AKAP10: variants seen among roughly 807,000 people sequenced by gnomAD.
The protein encoded by AKAP10 is A-kinase anchor protein 10, mitochondrial.
A neutral mutation model predicts 80.8 loss-of-function variants in AKAP10; 24 were observed. The observed-to-expected ratio is 0.30, with a 90% confidence interval of 0.22 to 0.42. The LOEUF is 0.42. Ranked by LOEUF, AKAP10 falls within the 10% of genes least tolerant of loss-of-function variation. AKAP10 has a pLI of 1.00. For synonymous variants in AKAP10, 291 were observed against 277.7 expected (o/e 1.05, Z -0.48); for missense variants, 661 against 794.9 (o/e 0.83, Z 2.03).
intron 12 of AKAP10, among the ~76,000 whole-genome samples, chr17:19,912,551 C>T (rs1472287784): frequency 6.6e-6 from 1 of 151,722 alleles, no homozygotes. Flanking sequence ...AAAAACAAAA[C>T]GAAACAAAAA....
At chr17:19,947,360 GCATTTTTTGT>G (rs2043146036) in intron 5 of AKAP10, 37 bp downstream of exon 5, 3 of 1,414,762 alleles carry the variant, frequency 2.1e-6, no homozygotes, top group Admixed American at 1.9e-5. Context: ...TCAGTTCTGT[GCATTTTTTGT>G]CATTTTTTTT....
intron 12 of AKAP10, among the ~76,000 whole-genome samples, chr17:19,913,112 G>T (rs1235693957): frequency 6.6e-6 from 1 of 150,688 alleles, no homozygotes; most frequent in South Asian, 2.1e-4. Context: ...CTAGTAGCTG[G>T]GATTACAGGT....
chr17:19,944,373 T>C (rs1035611394), intron 5 of AKAP10, among the ~76,000 whole-genome samples: 1 of 152,168 alleles, frequency 6.6e-6, no homozygotes, highest in African/African-American at 2.4e-5. Context: ...TAACACACTT[T>C]ATATGCTTAT....
At chr17:19,926,639 G>A (rs1003741340) in intron 10 of AKAP10, among the ~76,000 whole-genome samples, 1 of 152,084 alleles carries the variant, frequency 6.6e-6, no homozygotes, top group African/African-American at 2.4e-5. Context: ...CAAACAATCT[G>A]AAAATGAAAT....
chr17:19,963,584 G>T (rs1320404840), intron 2 of AKAP10, among the ~76,000 whole-genome samples: 1 of 151,944 alleles, frequency 6.6e-6, no homozygotes. Flanking sequence ...AATGCTTGGG[G>T]TGGGGGGAAC....
rs534145009 is a variant in AKAP10 at position 19,906,172 on chromosome 17, G to A, written c.*55C>T. The A allele has an allele frequency of 1.4e-4, 221 of 1,570,186 alleles. 3 individuals carry two copies. The South Asian group carries it at 2.3e-3, about 16-fold the overall frequency. ...GGCTGTGTTGAAGAATCCAACCAAG[G>A]GAAAAAAGTTCTCTTATTTTTCACA... On this transcript the variant is annotated 3_prime_UTR_variant, in exon 15 of 15. Coordinates refer to ENST00000225737, the MANE Select transcript of AKAP10 (RefSeq NM_007202.4).
intron 4 of AKAP10, among the ~76,000 whole-genome samples, chr17:19,957,215 A>G (rs570096733): frequency 2.0e-5 from 3 of 152,166 alleles, no homozygotes; most frequent in African/African-American, 7.2e-5. Context: ...GAAGTTACCT[A>G]ACCTTTCTAA....
At chr17:19,938,738 T>G (rs1196653901) in intron 8 of AKAP10, among the ~76,000 whole-genome samples, 1 of 151,908 alleles carries the variant, frequency 6.6e-6, no homozygotes. Flanking sequence ...TTGTTGTTTT[T>G]TTTTTTTTTG....
At chr17:19,952,927 A>C (rs564345236) in intron 4 of AKAP10, among the ~76,000 whole-genome samples, 1 of 152,338 alleles carries the variant, frequency 6.6e-6, no homozygotes, top group East Asian at 1.9e-4. Flanking sequence ...TAACCAACTA[A>C]ATCAACTTGA....
rs28756895 is a variant in AKAP10 at position 19,946,237 on chromosome 17, T to C, written c.976+1170A>G. On this transcript the variant is annotated intron_variant, in intron 5 of 14. Coordinates refer to ENST00000225737, the MANE Select transcript of AKAP10 (RefSeq NM_007202.4). ...TATATATATTTTATATATATATATA[T>C]TATATATATATATATATATATATAT... Among the ~76,000 whole-genome samples, 11 of 15,180 alleles carry C rather than the reference T, an allele frequency of 7.2e-4. 1 individual carries two copies. Among genetic ancestry groups the C allele is most frequent in the African/African-American group, 3.5e-3 (11 of 3,154 alleles). 10.0% of individuals were successfully genotyped at this position (15,180 alleles called of 152,430 possible).
chr17:19,945,344 T>C (rs890130621), intron 5 of AKAP10, among the ~76,000 whole-genome samples: 4 of 152,032 alleles, frequency 2.6e-5, no homozygotes, highest in Non-Finnish European at 5.9e-5. Context: ...CAAAAAAAAA[T>C]CACTAGCCAA....
At chr17:19,940,003 T>C (rs781408384) in intron 7 of AKAP10, among the ~76,000 whole-genome samples, 154 bp from the exon 8 acceptor site, 2 of 152,204 alleles carry the variant, frequency 1.3e-5, no homozygotes, top group Non-Finnish European at 2.9e-5. Flanking sequence ...GTTACAGTCA[T>C]TTGAGATTGA....
intron 6 of AKAP10, 133 bp downstream of exon 6, chr17:19,941,693 T>A (rs900467879): frequency 7.8e-6 from 4 of 513,018 alleles, no homozygotes; most frequent in Non-Finnish European, 6.2e-6. Flanking sequence ...TAGAGTATGC[T>A]TTATATGATC....
rs1176991982 is a variant in AKAP10, at chr17:19,936,298, T to G, written c.1455A>C (p.Thr485=). The change falls in exon 9 of 15, where the codon ACA becomes ACC. Residue 485 remains threonine, a synonymous_variant. Transcript: ENST00000225737. The stretch of plus-strand genomic sequence containing the variant: ...AGTTCTGGGTTACCTTCTCCATGGT[T>G]GTCCAGGCCTGACGTAATGGAGTTG... ...CFTTPLRQAW[T]TMEKVFLPGF... 3.7e-6 allele frequency: 6 copies of G among 1,611,822 alleles called. No homozygotes were observed. The highest frequency in any genetic ancestry group is 5.1e-6 in the Non-Finnish European group (6 of 1,178,914).
At chr17:19,938,367 G>A (rs1239069444) in intron 8 of AKAP10, among the ~76,000 whole-genome samples, 2 of 151,744 alleles carry the variant, frequency 1.3e-5, no homozygotes, top group East Asian at 1.9e-4. Flanking sequence ...CTCCTGAGTA[G>A]CTGGGATTAC....
chr17:19,968,582 G>T, intron 1 of AKAP10, 121 bp from the exon 2 acceptor site: 2 of 791,820 alleles, frequency 2.5e-6, no homozygotes, highest in South Asian at 1.8e-5. Flanking sequence ...ACAATGGACA[G>T]CCTTGGAGGA....
chr17:19,946,205 TTATATA>T lies in AKAP10; in HGVS notation c.976+1196_976+1201del, dbSNP rs1555576558. Among the ~76,000 whole-genome samples, 29 of 46,056 alleles carry T rather than the reference TTATATA, an allele frequency of 6.3e-4. 3 individuals carry two copies. The highest frequency in any genetic ancestry group is 2.1e-3 in the African/African-American group (25 of 11,848). The allele number at this position is 46,056 out of a possible 152,430, so 30.2% of individuals were successfully genotyped here. A position where few individuals can be genotyped will look rare whatever the true frequency, so the allele number is the denominator to read the frequency against. On this transcript the variant is annotated intron_variant, in intron 5 of 14. Transcript: ENST00000225737. The stretch of plus-strand genomic sequence containing the variant: ...ATGCATATATACTAATACATATATT[TTATATA>T]TATATATATTTTATATATATATATA...
At chr17:19,920,870 A>AC (rs1162647438) in intron 11 of AKAP10, among the ~76,000 whole-genome samples, 12 of 149,378 alleles carry the variant, frequency 8.0e-5, no homozygotes, top group African/African-American at 2.9e-4. Flanking sequence ...AAAAAAAAAA[A>AC]AAAAAAAAAA....
intron 4 of AKAP10, 62 bp downstream of exon 4, chr17:19,957,952 C>A: frequency 6.8e-7 from 1 of 1,460,642 alleles, no homozygotes; most frequent in Middle Eastern, 1.8e-4. Flanking sequence ...TGAAGTTCTG[C>A]TTAGTAAATT....
Sources: gnomAD v4.1 joint callset for allele counts (sites outside exome capture counted in the v4.1 genomes callset) on GRCh38, gnomAD v4.1.1 for gene constraint, MANE v1.5 for transcripts, NCBI Gene and HGNC (gene_info 2026-07-23, HGNC 2026-07-21) for gene names.